PLCG2: variants seen among roughly 807,000 people sequenced by gnomAD.
The protein encoded by PLCG2 is 1-phosphatidylinositol 4,5-bisphosphate phosphodiesterase gamma-2.
In PLCG2, 69 loss-of-function variants were observed where a neutral mutation model predicts 175.6. The ratio of observed to expected loss-of-function variants is 0.39; its 90% CI spans 0.32 to 0.48. The LOEUF is 0.48. PLCG2 is among the 20% of genes least tolerant of loss of function. PLCG2 has a pLI of 0.91. For synonymous variants in PLCG2, 827 were observed against 624.0 expected (o/e 1.33, Z -4.85); for missense variants, 1,798 against 1,650.9 (o/e 1.09, Z -1.54).
chr16:81,794,350 TA>T (rs1483169458), intron 2 of PLCG2, among the ~76,000 whole-genome samples: 1 of 152,240 alleles, frequency 6.6e-6, no homozygotes, highest in African/African-American at 2.4e-5. Context: ...CTATTAATAA[TA>T]ATAATAAATG....
chr16:81,844,271 G>A (rs557454832), intron 2 of PLCG2, among the ~76,000 whole-genome samples: 20 of 151,190 alleles, frequency 1.3e-4, no homozygotes, highest in African/African-American at 4.9e-4. Context: ...GGGATTACAG[G>A]CGTGAGCCAC....
intron 5 of PLCG2, among the ~76,000 whole-genome samples, chr16:81,868,814 G>A (rs1337075841): frequency 6.6e-6 from 1 of 152,250 alleles, no homozygotes; most frequent in Non-Finnish European, 1.5e-5. Context: ...CATTCCTGAA[G>A]GGTGGAGACC....
chr16:81,887,418 C>A (rs925312952), intron 9 of PLCG2, among the ~76,000 whole-genome samples: 3 of 152,186 alleles, frequency 2.0e-5, no homozygotes, highest in African/African-American at 7.2e-5. Flanking sequence ...CACGCCCGGC[C>A]TAGTATTTTA....
chr16:81,942,494 TG>T (rs1910985132), intron 30 of PLCG2, among the ~76,000 whole-genome samples: 1 of 152,140 alleles, frequency 6.6e-6, no homozygotes, highest in African/African-American at 2.4e-5. Context: ...CAGGAGGCAT[TG>T]AGGGTCTTCC....
chr16:81,841,679 A>G (rs867630557), intron 2 of PLCG2, among the ~76,000 whole-genome samples: 1 of 152,284 alleles, frequency 6.6e-6, no homozygotes. Flanking sequence ...AAAGAGCTGG[A>G]TTTAACTCAT....
At chr16:81,910,468 G>T (rs1022211330) in intron 17 of PLCG2, 52 bp from the exon 18 acceptor site, 3 of 1,540,844 alleles carry the variant, frequency 1.9e-6, no homozygotes, top group Middle Eastern at 1.7e-4. Flanking sequence ...CCTGGCTGCC[G>T]CAATGGCCTG....
At position 81,960,246 on chromosome 16, in the gene PLCG2, G is replaced by A. The variant is rs549764301; in HGVS notation, c.*2248G>A. ...TGATTCTCTCAGGAAAGGCACACAT[G>A]GTATGATGGCTCTTCCCAGAGTCTA... On this transcript the variant is annotated 3_prime_UTR_variant, in exon 33 of 33. Transcript: ENST00000564138. The A allele has an allele frequency of 1.5e-4, 34 of 220,608 alleles. No homozygotes were observed. Among genetic ancestry groups the A allele is most frequent in the African/African-American group, 7.2e-4 (32 of 44,726 alleles). The allele number at this position is 220,608 out of a possible 1,614,324, so 13.7% of individuals were successfully genotyped here. A position where few individuals can be genotyped will look rare whatever the true frequency, so the allele number is the denominator to read the frequency against.
chr16:81,816,527 G>C (rs1269694449), intron 2 of PLCG2, among the ~76,000 whole-genome samples: 1 of 151,582 alleles, frequency 6.6e-6, no homozygotes, highest in Non-Finnish European at 1.5e-5. Context: ...GCCCAGGTTG[G>C]AGTGCCATGG....
At chr16:81,955,314 G>A (rs1206853011) in intron 31 of PLCG2, among the ~76,000 whole-genome samples, 3 of 152,318 alleles carry the variant, frequency 2.0e-5, no homozygotes, top group East Asian at 3.9e-4. Flanking sequence ...AAAGGATCTT[G>A]TTTGTGCACC....
At chr16:81,844,226 C>G (rs1372283010) in intron 2 of PLCG2, among the ~76,000 whole-genome samples, 2 of 149,818 alleles carry the variant, frequency 1.3e-5, no homozygotes, top group African/African-American at 2.5e-5. Context: ...ATCTCCTGAC[C>G]TCGTGATCCA....
At chr16:81,813,463 C>G (rs2143303244) in intron 2 of PLCG2, among the ~76,000 whole-genome samples, 1 of 152,254 alleles carries the variant, frequency 6.6e-6, no homozygotes, top group South Asian at 2.1e-4. Context: ...CATGATTTAG[C>G]TCTGTGTTTG....
At chr16:81,832,459 G>A (rs760981159) in intron 2 of PLCG2, among the ~76,000 whole-genome samples, 4 of 152,138 alleles carry the variant, frequency 2.6e-5, no homozygotes, top group Admixed American at 6.5e-5. Context: ...GCATGATCAC[G>A]GCTCACTGCA....
At chr16:81,894,560 G>T (rs778997305) in intron 12 of PLCG2, among the ~76,000 whole-genome samples, 5 of 152,182 alleles carry the variant, frequency 3.3e-5, no homozygotes, top group African/African-American at 4.8e-5. Flanking sequence ...AAAGGCTCAT[G>T]GGTGCATTTG....
intron 2 of PLCG2, among the ~76,000 whole-genome samples, chr16:81,760,321 G>T (rs1308102308): frequency 6.6e-6 from 1 of 152,116 alleles, no homozygotes; most frequent in South Asian, 2.1e-4. Context: ...TGGGCTCAGG[G>T]TGCTGCACCC....
chr16:81,750,822 C>G (rs1325940956), intron 1 of PLCG2, among the ~76,000 whole-genome samples: 1 of 151,146 alleles, frequency 6.6e-6, no homozygotes, highest in Non-Finnish European at 1.5e-5. Context: ...CGCCTGCCAC[C>G]ACACCTGCAC....
intron 9 of PLCG2, among the ~76,000 whole-genome samples, chr16:81,886,004 G>T (rs188788950): frequency 6.6e-6 from 1 of 152,354 alleles, no homozygotes; most frequent in Non-Finnish European, 1.5e-5. Context: ...GTCTGAGCTG[G>T]TGCTAGAGTG....
intron 3 of PLCG2, among the ~76,000 whole-genome samples, chr16:81,855,707 G>C (rs1906649564): frequency 6.6e-6 from 1 of 152,180 alleles, no homozygotes; most frequent in Non-Finnish European, 1.5e-5. Context: ...TTTAATTCCA[G>C]GGAAGCTTGG....
chr16:81,865,124 C>T (rs1907165632), intron 5 of PLCG2, among the ~76,000 whole-genome samples: 1 of 152,136 alleles, frequency 6.6e-6, no homozygotes, highest in South Asian at 2.1e-4. Flanking sequence ...GAGCTCTGAG[C>T]ATGGCCTGTG....
At chr16:81,866,819 C>T (rs116655788) in intron 5 of PLCG2, among the ~76,000 whole-genome samples, 1,568 of 152,358 alleles carry the variant, frequency 0.01, 29 homozygotes, top group African/African-American at 0.036. Flanking sequence ...CTCTCGCTGC[C>T]GCTCTGGTAG....
Sources: gnomAD v4.1 joint callset for allele counts (sites outside exome capture counted in the v4.1 genomes callset) on GRCh38, gnomAD v4.1.1 for gene constraint, MANE v1.5 for transcripts, NCBI Gene and HGNC (gene_info 2026-07-23, HGNC 2026-07-21) for gene names.